The following WRN variants were observed in gnomAD, a reference collection of about 807,000 sequenced individuals.
The protein encoded by WRN is bifunctional 3'-5' exonuclease/ATP-dependent helicase WRN.
Under a neutral mutation model 180.7 loss-of-function variants are expected in WRN, and 149 were observed. The ratio of observed to expected loss-of-function variants is 0.82; its 90% CI spans 0.72 to 0.94. WRN has a LOEUF of 0.94. Among genes scored for constraint, WRN ranks in the 40% least tolerant of loss-of-function variants. The probability of loss-of-function intolerance (pLI) is 0.00; values close to 1 mark genes in which losing one functional copy is unlikely to be tolerated. For synonymous variants in WRN, 548 were observed against 568.9 expected, an observed-to-expected ratio of 0.96 and a Z score of 0.52; for missense variants, 1,661 against 1,700.1, an observed-to-expected ratio of 0.98 and a Z score of 0.40.
At chr8:31,144,251 T>C (rs1203988323) in intron 28 of WRN, among the ~76,000 whole-genome samples, 3 of 152,100 alleles carry the variant, frequency 2.0e-5, no homozygotes, top group Non-Finnish European at 2.9e-5. Context: ...TCACCATTTC[T>C]CTCCCTCTCC....
intron 31 of WRN, among the ~76,000 whole-genome samples, chr8:31,151,198 T>C (rs1803111407): frequency 6.6e-6 from 1 of 152,164 alleles, no homozygotes; most frequent in Non-Finnish European, 1.5e-5. Flanking sequence ...GAAATGACAC[T>C]TCCTCCCCCA....
chr8:31,047,342 A>C (rs1433914938), intron 1 of WRN, among the ~76,000 whole-genome samples: 3 of 151,932 alleles, frequency 2.0e-5, no homozygotes, highest in Non-Finnish European at 4.4e-5. Context: ...AGTATTCGCC[A>C]TGTTGCCTAG....
chr8:31,092,035 T>G, intron 16 of WRN, 137 bp downstream of exon 16: 1 of 789,032 alleles, frequency 1.3e-6, no homozygotes. Context: ...GTCAGATGTC[T>G]GTGGTATATG....
intron 21 of WRN, among the ~76,000 whole-genome samples, chr8:31,122,878 T>TTTTTTTTTTTTTTTTG (rs1801778445): frequency 7.0e-6 from 1 of 143,194 alleles, no homozygotes; most frequent in African/African-American, 2.6e-5. Context: ...TTTTTTTTTT[T>TTTTTTTTTTTTTTTTG]TTTTTTTCTA....
At position 31,175,220 on chromosome 8, in the gene WRN, A is replaced by C. The variant is rs1470384491; in HGVS notation, c.*2118A>C. ...GGGAGGCCGAGGCGGGCGGATCACG[A>C]GATCAGGAGATCGAGACCACCCTGG... On this transcript the variant is annotated 3_prime_UTR_variant, in exon 35 of 35. Coordinates refer to ENST00000298139, the MANE Select transcript of WRN (RefSeq NM_000553.6). 1.3e-5 allele frequency among the ~76,000 whole-genome samples: 2 copies of C among 152,108 alleles called. No individual in the cohort carries two copies. The highest frequency in any genetic ancestry group is 3.9e-4 in the East Asian group (2 of 5,158).
intron 18 of WRN, among the ~76,000 whole-genome samples, chr8:31,105,945 G>A (rs939714160): frequency 1.3e-5 from 2 of 152,038 alleles, no homozygotes; most frequent in African/African-American, 4.8e-5. Flanking sequence ...GTATACACAG[G>A]CACACATCTA....
At chr8:31,062,666 GC>G (rs1356314846) in intron 3 of WRN, among the ~76,000 whole-genome samples, 18 of 151,842 alleles carry the variant, frequency 1.2e-4, no homozygotes, top group Non-Finnish European at 2.4e-4. Context: ...GCCTGCCTTG[GC>G]CCCCCAAAGT....
chr8:31,091,469 A>G (rs1167823890), intron 15 of WRN, among the ~76,000 whole-genome samples: 2 of 151,974 alleles, frequency 1.3e-5, no homozygotes, highest in African/African-American at 2.4e-5. Context: ...GAACATTTCT[A>G]ATCTTTTCTT....
chr8:31,140,448 G>A (rs1345937807), intron 24 of WRN, among the ~76,000 whole-genome samples: 1 of 152,170 alleles, frequency 6.6e-6, no homozygotes, highest in African/African-American at 2.4e-5. Flanking sequence ...CTCTGTTAGA[G>A]AACAACAGAA....
intron 1 of WRN, among the ~76,000 whole-genome samples, chr8:31,057,141 T>G (rs1016919617): frequency 1.3e-5 from 2 of 152,262 alleles, no homozygotes; most frequent in Non-Finnish European, 2.9e-5. Flanking sequence ...GGATAGTTGC[T>G]GCATATTGTT....
chr8:31,107,102 A>G (rs986284434), intron 18 of WRN, among the ~76,000 whole-genome samples: 3 of 152,240 alleles, frequency 2.0e-5, no homozygotes, highest in South Asian at 2.1e-4. Context: ...ATTCATACCT[A>G]TAACAGTAGA....
intron 1 of WRN, among the ~76,000 whole-genome samples, chr8:31,052,480 T>C (rs1812112405): frequency 2.0e-5 from 3 of 152,226 alleles, no homozygotes; most frequent in Non-Finnish European, 2.9e-5. Flanking sequence ...CTCTGCCTCC[T>C]GGGCTCAAGT....
At chr8:31,112,605 G>C (rs1046530315) in intron 19 of WRN, among the ~76,000 whole-genome samples, 3 of 151,286 alleles carry the variant, frequency 2.0e-5, no homozygotes, top group Admixed American at 6.6e-5. Context: ...TTTACTATTT[G>C]AGACAGTGTC....
chr8:31,157,640 C>T, intron 33 of WRN, 110 bp downstream of exon 33: 3 of 1,411,940 alleles, frequency 2.1e-6, no homozygotes, highest in Non-Finnish European at 2.9e-6. Flanking sequence ...ATTATGAAAA[C>T]CTTACTTTTG....
intron 8 of WRN, among the ~76,000 whole-genome samples, chr8:31,077,266 A>G (rs1305766793): frequency 3.3e-5 from 5 of 151,726 alleles, no homozygotes; most frequent in Non-Finnish European, 5.9e-5. Context: ...TTTTGAGACG[A>G]GTCTCGCTTT....
intron 7 of WRN, among the ~76,000 whole-genome samples, chr8:31,072,571 G>T (rs1032472042): frequency 3.9e-5 from 6 of 152,094 alleles, no homozygotes; most frequent in Non-Finnish European, 7.4e-5. Flanking sequence ...GGCCTCAAGC[G>T]ATCCTCCTGC....
intron 1 of WRN, among the ~76,000 whole-genome samples, chr8:31,051,158 A>G (rs1812064694): frequency 6.6e-6 from 1 of 151,996 alleles, no homozygotes; most frequent in Non-Finnish European, 1.5e-5. Context: ...GTCAGTTACC[A>G]TGGTAACAGT....
At chr8:31,050,500 T>A (rs1812040985) in intron 1 of WRN, among the ~76,000 whole-genome samples, 1 of 151,172 alleles carries the variant, frequency 6.6e-6, no homozygotes, top group Admixed American at 6.6e-5. Flanking sequence ...GTCTTCTAAG[T>A]TTTGGATACT....
At chr8:31,092,371 C>T (rs1813780257) in intron 16 of WRN, among the ~76,000 whole-genome samples, 1 of 151,606 alleles carries the variant, frequency 6.6e-6, no homozygotes, top group African/African-American at 2.4e-5. Context: ...GTCTCTTGCC[C>T]AACCAATTCT....
Sources: allele counts gnomAD v4.1 joint callset (sites outside exome capture counted in the v4.1 genomes callset), GRCh38; gene constraint gnomAD v4.1.1; transcripts MANE v1.5; gene names NCBI Gene and HGNC (gene_info 2026-07-23, HGNC 2026-07-21).